BAZ2A: variants seen among roughly 807,000 people sequenced by gnomAD.
BAZ2A encodes the protein bromodomain adjacent to zinc finger domain 2A, also known as bromodomain adjacent to zinc finger domain protein 2A.
A neutral mutation model predicts 199.9 loss-of-function variants in BAZ2A; 34 were observed. That is an observed-to-expected ratio of 0.17 (90% CI 0.13 to 0.23). The LOEUF (loss-of-function observed/expected upper bound fraction) is 0.23, where lower values mean the gene tolerates loss of function less well. Among genes scored for constraint, BAZ2A ranks in the 10% least tolerant of loss-of-function variants. BAZ2A has a pLI of 1.00. For synonymous variants in BAZ2A, 857 were observed against 883.9 expected (o/e 0.97, Z 0.54); for missense variants, 2,002 against 2,391.1 (o/e 0.84, Z 3.39).
Position 56,611,988 on chromosome 12 carries a change from G to A in BAZ2A, c.1394C>T (p.Ser465Leu), listed in dbSNP as rs746940462. ...ASTVVSPAVF[S>L]VVSPASSAVL... is the part of the protein sequence containing the mutation. ...TGCTGAGGAAGCTGGAGAGACCACTGAGAAGACTGCTGGAGAGACAACTGT... is the reference window on the plus strand; with the variant it reads ...TGCTGAGGAAGCTGGAGAGACCACTAAGAAGACTGCTGGAGAGACAACTGT... Residue 465 changes from serine (S) to leucine (L), a missense_variant, in exon 6 of 29, where the codon TCA becomes TTA. This residue lies in a region of BAZ2A where 641 missense variants were observed against 694.5 expected (regional missense o/e 0.92). Transcript: ENST00000549884. 5.0e-6 allele frequency: 8 copies of A among 1,613,700 alleles called. No individual in the cohort carries two copies. In the South Asian group the frequency reaches 6.6e-5, roughly 13 times the overall value.
intron 27 of BAZ2A, 31 bp from the exon 28 acceptor site, chr12:56,599,042 C>G: frequency 6.2e-7 from 1 of 1,607,378 alleles, no homozygotes; most frequent in South Asian, 1.1e-5. Context: ...ATGGCTCCAT[C>G]TCAGGAAGCA....
chr12:56,622,080 T>C (rs1221645570), intron 1 of BAZ2A, among the ~76,000 whole-genome samples: 1 of 151,758 alleles, frequency 6.6e-6, no homozygotes, highest in Non-Finnish European at 1.5e-5. Flanking sequence ...GGTTCACGCC[T>C]GTAATCCCAG....
chr12:56,623,603 G>C (rs1001837858), intron 1 of BAZ2A, among the ~76,000 whole-genome samples: 2 of 151,998 alleles, frequency 1.3e-5, no homozygotes, highest in African/African-American at 4.8e-5. Context: ...CACATCTCTG[G>C]ATTACCCACC....
rs1339661211 is a variant in BAZ2A at position 56,598,773 on chromosome 12, A to C, written c.5557T>G (p.Ser1853Ala). 1 of 1,612,230 alleles carries C rather than the reference A, an allele frequency of 6.2e-7. No individual in the cohort carries two copies. Among genetic ancestry groups the C allele is most frequent in the Admixed American group, 1.7e-5 (1 of 59,688 alleles). ...AGGGCATCAGCCGCAAACTCCTCTG[A>C]GCTGGTGTACCTGGACAGGGCAGGG... ...ERLLRGGYTS[S>A]EEFAADALLV... Residue 1853 changes from serine (S) to alanine (A), a missense_variant, in exon 29 of 29, where the codon TCA (serine) becomes GCA (alanine). Ser to Ala is a moderately conservative substitution (Grantham distance 99). This residue lies in a region of BAZ2A where 76 missense variants were observed against 139.3 expected (regional missense o/e 0.55). Transcript: ENST00000549884.
intron 1 of BAZ2A, among the ~76,000 whole-genome samples, chr12:56,620,200 G>A (rs939312209): frequency 2.0e-5 from 3 of 151,688 alleles, no homozygotes; most frequent in Non-Finnish European, 2.9e-5. Flanking sequence ...AAATCTCCAT[G>A]TTATCTTTTA....
At position 56,600,361 on chromosome 12, in the gene BAZ2A, T is replaced by C; in HGVS notation, c.4732A>G (p.Thr1578Ala). ...REGLAPQRKT[T>A]NPLDLAVMRL... Reference sequence around the variant, plus strand: ...ATCACAGCCAGGTCCAAAGGGTTGGTAGTTTTACGCTGAGGTGCCAGTCCC... The same window carrying C: ...ATCACAGCCAGGTCCAAAGGGTTGGCAGTTTTACGCTGAGGTGCCAGTCCC... Residue 1578 changes from threonine (T) to alanine (A), a missense_variant, in exon 24 of 29, where the codon ACC becomes GCC. Transcript: ENST00000549884. 6.2e-7 allele frequency: 1 copy of C among 1,613,960 alleles called. No individual in the cohort carries two copies.
intron 1 of BAZ2A, among the ~76,000 whole-genome samples, chr12:56,620,262 C>G (rs1950872726): frequency 6.6e-6 from 1 of 151,900 alleles, no homozygotes; most frequent in Non-Finnish European, 1.5e-5. Context: ...CCTGGGTGGG[C>G]TGGACAAGCT....
At position 56,600,397 on chromosome 12, in the gene BAZ2A, G is replaced by A. The variant is rs752623582; in HGVS notation, c.4696C>T (p.Arg1566Trp). The A allele has an allele frequency of 1.9e-5, 31 of 1,613,860 alleles. No homozygotes were observed. Among genetic ancestry groups the A allele is most frequent in the East Asian group, 4.5e-5 (2 of 44,894 alleles). ...DSQEDITWRG[R>W]GREGLAPQRK... is the part of the protein sequence containing the mutation. Reference sequence around the variant, plus strand: ...TGAGGTGCCAGTCCCTCCCTGCCCCGACCTCGCCAGGTGATATCCTCCTGG... The same window carrying A: ...TGAGGTGCCAGTCCCTCCCTGCCCCAACCTCGCCAGGTGATATCCTCCTGG... The change falls in exon 24 of 29, where the codon CGG becomes TGG. Residue 1566 changes from arginine (R) to tryptophan (W), a missense_variant. By Grantham distance (101) the Arg-to-Trp change is moderately radical. Around this residue, in one of 6 missense-constraint regions of BAZ2A, gnomAD observed 1,081 missense variants for 1,274.7 expected, o/e 0.85. Transcript: ENST00000549884.
intron 7 of BAZ2A, 57 bp from the exon 8 acceptor site, chr12:56,610,574 C>T: frequency 3.3e-6 from 5 of 1,514,060 alleles, no homozygotes; most frequent in Middle Eastern, 1.7e-4. Flanking sequence ...CACTCCCATG[C>T]CACCTAAGCG....
intron 10 of BAZ2A, among the ~76,000 whole-genome samples, chr12:56,608,347 G>A (rs1950433247): frequency 6.6e-6 from 1 of 151,622 alleles, no homozygotes; most frequent in African/African-American, 2.4e-5. Context: ...ACTCCATCCT[G>A]GGTGACAGAG....
Position 56,600,780 on chromosome 12 carries a change from G to C in BAZ2A, c.4503C>G (p.Ser1501Arg). ...CGTATGTCTTCTCTTTGGGGGACCA[G>C]CTCATAATCCCTTCTTGAAAGGCAG... ...QLPAFQEGIM[S>R]WSPKEKTYET... Residue 1501 changes from serine to arginine, a missense_variant, in exon 23 of 29, where the codon AGC becomes AGG. Ser to Arg is a moderately radical substitution (Grantham distance 110, BLOSUM62 -1). Transcript: ENST00000549884. 6.2e-7 allele frequency: 1 copy of C among 1,613,888 alleles called. No individual in the cohort carries two copies. The highest frequency in any genetic ancestry group is 8.5e-7 in the Non-Finnish European group (1 of 1,179,890).
upstream of BAZ2A, among the ~76,000 whole-genome samples, chr12:56,632,738 C>T (rs550949706): frequency 1.6e-3 from 248 of 152,288 alleles, no homozygotes; most frequent in African/African-American, 5.8e-3. Flanking sequence ...CATCCTCATT[C>T]CTGAATGAGA....
upstream of BAZ2A, among the ~76,000 whole-genome samples, chr12:56,631,514 G>T (rs1278319424): frequency 1.4e-4 from 20 of 146,504 alleles, no homozygotes; most frequent in Admixed American, 1.4e-3. Context: ...AAGAAATTAA[G>T]ACCCAAAGAG....
Position 56,597,943 on chromosome 12 carries a change from AT to A in BAZ2A, c.*674del, listed in dbSNP as rs36027347. 1.3e-5 allele frequency: 2 copies of A among 150,166 alleles called. No individual in the cohort carries two copies. Among genetic ancestry groups the A allele is most frequent in the South Asian group, 4.2e-4 (2 of 4,726 alleles). The allele number at this position is 150,166 out of a possible 1,614,324, so 9.3% of individuals were successfully genotyped here. ...GGACAGAAGACAGGGACCTCTGAAC[AT>A]TTTTTTTTCCTTTGAAGGGAAAAGA... On this transcript the variant is annotated 3_prime_UTR_variant, in exon 29 of 29. Transcript: ENST00000549884.
chr12:56,597,608 C>CAT lies in BAZ2A; in HGVS notation c.*1009_*1010insAT, dbSNP rs1565800644. 7.6e-6 allele frequency: 1 copy of CAT among 131,332 alleles called. No individual in the cohort carries two copies. The highest frequency in any genetic ancestry group is 2.2e-4 in the East Asian group (1 of 4,460). The allele number at this position is 131,332 out of a possible 1,614,324, so 8.1% of individuals were successfully genotyped here. A position where few individuals can be genotyped will look rare whatever the true frequency, so the allele number is the denominator to read the frequency against. ...GCGCGCGCTCTGAGGCTGACACACA[C>CAT]ACACACACACACAGCGCGCTCTGAG... On this transcript the variant is annotated 3_prime_UTR_variant, in exon 29 of 29. Coordinates refer to ENST00000549884, the MANE Select transcript of BAZ2A (RefSeq NM_001300905.2).
In BAZ2A at chr12:56,602,005, C is replaced by T. The variant is rs749253884; in HGVS notation, c.3612G>A (p.Lys1204=). ...CTGAATCCTGACCCCTGACAGGGGA[C>T]TTAAGATGCCTAGGTTGCATAGACC... is the stretch of plus-strand genomic sequence containing the variant. The part of the protein sequence containing the change: ...KPGSMQPRHL[K]SPVRGQDSEQ... The change falls in exon 20 of 29, where the codon AAG becomes AAA. Residue 1204 remains lysine (K), a synonymous_variant. Transcript: ENST00000549884. 9.0e-6 allele frequency: 14 copies of T among 1,554,732 alleles called. No homozygotes were observed. Among genetic ancestry groups the T allele is most frequent in the African/African-American group, 1.4e-5 (1 of 73,106 alleles).
chr12:56,604,914 G>A (rs1161452382), intron 14 of BAZ2A, 115 bp from the exon 15 acceptor site: 50 of 1,371,868 alleles, frequency 3.6e-5, no homozygotes, highest in East Asian at 5.0e-5. Flanking sequence ...GACAGAATAC[G>A]AAAGAAGACC....
chr12:56,617,868 T>C (rs1181080189), intron 1 of BAZ2A, among the ~76,000 whole-genome samples: 2 of 152,192 alleles, frequency 1.3e-5, no homozygotes, highest in African/African-American at 4.8e-5. Flanking sequence ...GATATTAGCC[T>C]CTACTGTACC....
intron 19 of BAZ2A, 148 bp downstream of exon 19, chr12:56,602,565 G>T: frequency 1.9e-6 from 2 of 1,061,956 alleles, no homozygotes; most frequent in Non-Finnish European, 2.6e-6. Flanking sequence ...AGAGCAGGTG[G>T]GTAGGCAGCT....
Sources: gnomAD v4.1 joint callset for allele counts (sites outside exome capture counted in the v4.1 genomes callset) on GRCh38, gnomAD v4.1.1 for gene constraint, gnomAD v4.1.1 regional missense constraint, MANE v1.5 for transcripts, NCBI Gene and HGNC (gene_info 2026-07-23, HGNC 2026-07-21) for gene names.